The following RPL3L variants were observed in gnomAD, a reference collection of about 807,000 sequenced individuals.
The protein encoded by RPL3L is ribosomal protein L3 like.
Under a neutral mutation model 44.5 loss-of-function variants are expected in RPL3L, and 44 were observed. That is an observed-to-expected ratio of 0.99 (90% CI 0.78 to 1.27). RPL3L has a LOEUF of 1.27. RPL3L is among the 50% of genes most tolerant of loss of function. The pLI is 0.00. For synonymous variants in RPL3L, 292 were observed against 230.7 expected (o/e 1.27, Z -2.41); for missense variants, 631 against 569.1 (o/e 1.11, Z -1.11).
Position 1,952,890 on chromosome 16 carries a change from GGC to G in RPL3L, c.347_348del (p.Arg116ProfsTer99). 1 of 1,613,850 alleles carries G rather than the reference GGC, an allele frequency of 6.2e-7. No homozygotes were observed. Among genetic ancestry groups the G allele is most frequent in the Non-Finnish European group, 8.5e-7 (1 of 1,179,988 alleles). On this transcript the variant is annotated frameshift_variant, in exon 3 of 10. Transcript: ENST00000268661. LOFTEE classifies it high-confidence loss of function. ...FAEHLSDECR[R>X]RFYKDWHKSK... is the part of the protein sequence containing the mutation. ...GGTGCTCACCAGTCCTTGTAGAATCGGCGCCGGCACTCATCACTGAGGTGTTC... is the reference window on the plus strand; with the variant it reads ...GGTGCTCACCAGTCCTTGTAGAATCGGCCGGCACTCATCACTGAGGTGTTC...
In RPL3L at chr16:1,944,403, G is replaced by A. The variant is rs562869360; in HGVS notation, c.*434C>T. 106 of 163,652 alleles carry A rather than the reference G, an allele frequency of 6.5e-4. 1 individual carries two copies. Among genetic ancestry groups the A allele is most frequent in the Middle Eastern group, 6.5e-3 (2 of 308 alleles). The allele number at this position is 163,652 out of a possible 1,614,324, so 10.1% of individuals were successfully genotyped here. On this transcript the variant is annotated 3_prime_UTR_variant, in exon 10 of 10. Coordinates refer to ENST00000268661, the MANE Select transcript of RPL3L (RefSeq NM_005061.3). ...CCACCCAGGAGCTGACTCAGCGCAA[G>A]AAGACAGCTGACTCCCTGTGATTTC... is the stretch of plus-strand genomic sequence containing the variant.
intron 3 of RPL3L, among the ~76,000 whole-genome samples, chr16:1,952,134 T>A (rs779331812): frequency 1.9e-4 from 29 of 151,302 alleles, no homozygotes; most frequent in Admixed American, 2.6e-4. Flanking sequence ...TTTTTATTTT[T>A]TTTTTTGTAT....
At chr16:1,952,084 G>C (rs1438017426) in intron 3 of RPL3L, among the ~76,000 whole-genome samples, 1 of 151,584 alleles carries the variant, frequency 6.6e-6, no homozygotes, top group Non-Finnish European at 1.5e-5. Context: ...AAGTAGCTGG[G>C]ATTACAGGTG....
At chr16:1,948,029 C>A (rs2083138146) in intron 4 of RPL3L, among the ~76,000 whole-genome samples, 1 of 151,010 alleles carries the variant, frequency 6.6e-6, no homozygotes, top group Non-Finnish European at 1.5e-5. Flanking sequence ...GCTCTGCCTC[C>A]CGGGTTCACG....
intron 1 of RPL3L, 134 bp from the exon 2 acceptor site, chr16:1,954,282 G>T: frequency 1.0e-6 from 1 of 997,446 alleles, no homozygotes; most frequent in Non-Finnish European, 1.4e-6. Context: ...TCCCCTGTCT[G>T]CCTACAGGAG....
Position 1,946,928 on chromosome 16 carries a change from G to C in RPL3L, c.849+10C>G, listed in dbSNP as rs2083125687. The C allele has an allele frequency of 6.3e-7, 1 of 1,593,872 alleles. No individual in the cohort carries two copies. The highest frequency in any genetic ancestry group is 8.6e-7 in the Non-Finnish European group (1 of 1,169,584). On this transcript the variant is annotated intron_variant, in intron 6 of 9. Transcript: ENST00000268661. ...CACACAGTGTCCCCGTACCCCGGCT[G>C]AGGACGCACCTTCTTGTTGAGCTCC...
chr16:1,953,926 C>G (rs779010937), intron 2 of RPL3L, 30 bp downstream of exon 2: 2 of 1,472,798 alleles, frequency 1.4e-6, no homozygotes, highest in African/African-American at 1.4e-5. Context: ...CAGCCCTCCC[C>G]CTCCCCCAAG....
Position 1,947,938 on chromosome 16 carries a change from A to ATTT in RPL3L, c.502-561_502-559dup, listed in dbSNP as rs1158555053. On this transcript the variant is annotated intron_variant, in intron 4 of 9. Transcript: ENST00000268661. ...GCAGGCTGCGATGTGATCTGATTGG[A>ATTT]TTTTTTTTTTTTTTTTTTTTTTTGA... Among the ~76,000 whole-genome samples the ATTT allele has an allele frequency of 6.9e-4, 76 of 109,974 alleles. 1 individual carries two copies. The highest frequency in any genetic ancestry group is 9.8e-3 in the Middle Eastern group (2 of 204). 72.1% of individuals were successfully genotyped at this position (109,974 alleles called of 152,430 possible).
intron 1 of RPL3L, among the ~76,000 whole-genome samples, 179 bp downstream of exon 1, chr16:1,954,450 T>C (rs990631126): frequency 1.3e-4 from 20 of 152,052 alleles, no homozygotes; most frequent in Middle Eastern, 3.4e-3. Context: ...TCTGTTCATC[T>C]CCAGGGCCCT....
At position 1,950,998 on chromosome 16, in the gene RPL3L, G is replaced by A. The variant is rs187547533; in HGVS notation, c.366-19C>T. ...CTTGTGCCTGAGCCATGCACAGGAG[G>A]GTGCTCAGAAGCCCCCAACCGGGGC... is the stretch of plus-strand genomic sequence containing the variant. On this transcript the variant is annotated intron_variant, in intron 3 of 9. Transcript: ENST00000268661. 1.1e-4 allele frequency: 185 copies of A among 1,611,854 alleles called. 1 individual carries two copies. In the African/African-American group the frequency reaches 2.0e-3, roughly 18 times the overall value.
At position 1,947,392 on chromosome 16, in the gene RPL3L, G is replaced by A; in HGVS notation, c.502-12C>T. 1 of 1,557,566 alleles carries A rather than the reference G, an allele frequency of 6.4e-7. No individual in the cohort carries two copies. Among genetic ancestry groups the A allele is most frequent in the South Asian group, 1.2e-5 (1 of 85,550 alleles). ...GGCAGCAGTTTCATCTGCAGGACAT[G>A]GCCGGAGGTCACGCCACGGCCCACG... On this transcript the variant is annotated splice_polypyrimidine_tract_variant and intron_variant, in intron 4 of 9. Coordinates refer to ENST00000268661, the MANE Select transcript of RPL3L (RefSeq NM_005061.3).
intron 1 of RPL3L, 109 bp from the exon 2 acceptor site, chr16:1,954,257 C>T: frequency 8.3e-7 from 1 of 1,209,312 alleles, no homozygotes; most frequent in Non-Finnish European, 1.1e-6. Context: ...CAGACTGAGG[C>T]CTGTGCTCAG....
chr16:1,945,432 T>C, intron 9 of RPL3L, 67 bp downstream of exon 9: 1 of 1,526,142 alleles, frequency 6.6e-7, no homozygotes, highest in Non-Finnish European at 8.8e-7. Flanking sequence ...TCCAGCTCCC[T>C]ACTCGGGCAG....
Position 1,952,910 on chromosome 16 carries a change from AG to A in RPL3L, c.328del (p.Leu110SerfsTer44), listed in dbSNP as rs2083180364. ...GAATCGGCGCCGGCACTCATCACTG[AG>A]GTGTTCTGCAAAGATGGTCTTGAAG... ...RSFKTIFAEH[L>X]SDECRRRFYK... On this transcript the variant is annotated frameshift_variant, in exon 3 of 10. Transcript: ENST00000268661. LOFTEE classifies it high-confidence loss of function. 6.2e-7 allele frequency: 1 copy of A among 1,613,694 alleles called. No individual in the cohort carries two copies. Among genetic ancestry groups the A allele is most frequent in the African/African-American group, 1.3e-5 (1 of 74,840 alleles).
chr16:1,954,034 G>A lies in RPL3L; in HGVS notation c.118C>T (p.Pro40Ser), dbSNP rs1163428539. 8.7e-6 allele frequency: 14 copies of A among 1,607,860 alleles called. No individual in the cohort carries two copies. The highest frequency in any genetic ancestry group is 4.0e-5 in the African/African-American group (3 of 74,776). The change falls in exon 2 of 10, where the codon CCC becomes TCC. Residue 40 changes from proline (P) to serine (S), a missense_variant. Physicochemically the swap from Pro to Ser is moderately conservative, Grantham distance 74 (BLOSUM62 -1). Transcript: ENST00000268661. ...KTWPRDDPSQ[P>S]VHLTAFLGYK... Reference sequence around the variant, plus strand: ...CCCAGGAAGGCCGTGAGGTGCACGGGCTGGCTGGGGTCATCCCGCGGCCAC... The same window carrying A: ...CCCAGGAAGGCCGTGAGGTGCACGGACTGGCTGGGGTCATCCCGCGGCCAC...
intron 4 of RPL3L, among the ~76,000 whole-genome samples, chr16:1,947,590 C>G (rs1202955274): frequency 6.6e-6 from 1 of 152,242 alleles, no homozygotes; most frequent in Non-Finnish European, 1.5e-5. Flanking sequence ...CGGGAGCCAC[C>G]ATCTCACTGG....
At chr16:1,949,794 C>A (rs1354222015) in intron 4 of RPL3L, among the ~76,000 whole-genome samples, 2 of 11,214 alleles carry the variant, frequency 1.8e-4, no homozygotes, top group Non-Finnish European at 2.6e-4. Context: ...CAGGTATGGA[C>A]GGGGCAGGTA....
intron 3 of RPL3L, 79 bp downstream of exon 3, chr16:1,952,795 A>G: frequency 6.5e-7 from 1 of 1,533,550 alleles, no homozygotes; most frequent in East Asian, 2.3e-5. Context: ...CTATCATTTC[A>G]GCAAGAGCTA....
chr16:1,953,951 C>G lies in RPL3L; in HGVS notation c.196+5G>C. 3 of 1,514,622 alleles carry G rather than the reference C, an allele frequency of 2.0e-6. No homozygotes were observed. Among genetic ancestry groups the G allele is most frequent in the Non-Finnish European group, 2.7e-6 (3 of 1,125,676 alleles). 93.8% of individuals were successfully genotyped at this position (1,514,622 alleles called of 1,614,324 possible). ...CCTCCCCCAAGGGTCCCAACTGTGA[C>G]TCACTGAGCCCCGGCCGGTGCACCT... is the stretch of plus-strand genomic sequence containing the variant. On this transcript the variant is annotated splice_donor_5th_base_variant and intron_variant, in intron 2 of 9. Coordinates refer to ENST00000268661, the MANE Select transcript of RPL3L (RefSeq NM_005061.3).
Sources: gnomAD v4.1 joint callset for allele counts (sites outside exome capture counted in the v4.1 genomes callset) on GRCh38, gnomAD v4.1.1 for gene constraint, MANE v1.5 for transcripts, NCBI Gene and HGNC (gene_info 2026-07-23, HGNC 2026-07-21) for gene names.